The following DCC variants were observed in gnomAD, a reference collection of about 807,000 sequenced individuals.
DCC encodes netrin receptor DCC.
In DCC, 58 loss-of-function variants were observed where a neutral mutation model predicts 172.5. That is an observed-to-expected ratio of 0.34 (90% CI 0.27 to 0.42). The LOEUF (loss-of-function observed/expected upper bound fraction) is 0.42. Among genes scored for constraint, DCC ranks in the 10% least tolerant of loss-of-function variants. The pLI is 1.00. For synonymous variants in DCC, 709 were observed against 644.5 expected (o/e 1.10, Z -1.52); for missense variants, 1,740 against 1,791.0 (o/e 0.97, Z 0.51).
chr18:52,664,345 A>G (rs1343393139), intron 1 of DCC, among the ~76,000 whole-genome samples: 1 of 152,058 alleles, frequency 6.6e-6, no homozygotes, highest in African/African-American at 2.4e-5. Context: ...CATCTAAGGA[A>G]GGAAACTTTT....
intron 5 of DCC, among the ~76,000 whole-genome samples, chr18:52,952,228 A>G (rs2040660166): frequency 6.6e-6 from 1 of 151,998 alleles, no homozygotes; most frequent in Non-Finnish European, 1.5e-5. Flanking sequence ...CTTTTTCTGA[A>G]TATTTTCTCA....
intron 1 of DCC, among the ~76,000 whole-genome samples, chr18:52,482,145 ACACTTG>A (rs985808935): frequency 6.6e-5 from 10 of 152,084 alleles, no homozygotes; most frequent in African/African-American, 2.4e-4. Context: ...CACCACACAA[ACACTTG>A]CACTTGCACA....
At position 52,828,439 on chromosome 18, in the gene DCC, G is replaced by A. The variant is rs117347440; in HGVS notation, c.412+76065G>A. On this transcript the variant is annotated intron_variant, in intron 2 of 28. Coordinates refer to ENST00000442544, the MANE Select transcript of DCC (RefSeq NM_005215.4). ...AAAGTGATGAAAAATATCATAGTAG[G>A]AAGCATTTAAAGAAATATGAGGAAT... is the stretch of plus-strand genomic sequence containing the variant. 1.0e-3 allele frequency among the ~76,000 whole-genome samples: 156 copies of A among 151,852 alleles called. 1 individual carries two copies. Among genetic ancestry groups the A allele is most frequent in the Non-Finnish European group, 1.8e-3 (123 of 67,966 alleles).
chr18:53,306,709 A>G (rs2057204444), intron 13 of DCC, among the ~76,000 whole-genome samples: 1 of 152,216 alleles, frequency 6.6e-6, no homozygotes. Flanking sequence ...CTTTTTGTCA[A>G]TCAACATTTT....
intron 1 of DCC, among the ~76,000 whole-genome samples, chr18:52,515,823 A>G (rs757469044): frequency 4.0e-5 from 6 of 150,266 alleles, no homozygotes; most frequent in Admixed American, 1.3e-4. Flanking sequence ...GCTACAGACT[A>G]GGAGAAAATG....
intron 1 of DCC, among the ~76,000 whole-genome samples, chr18:52,677,766 CTG>C (rs1410890382): frequency 6.6e-6 from 1 of 152,130 alleles, no homozygotes; most frequent in Non-Finnish European, 1.5e-5. Context: ...CTGCCACACT[CTG>C]TTGTTTTTGA....
At chr18:52,809,663 TGGGGGAC>T in intron 2 of DCC, among the ~76,000 whole-genome samples, 1 of 152,048 alleles carries the variant, frequency 6.6e-6, no homozygotes, top group Admixed American at 6.6e-5. Context: ...CAAACAGCAG[TGGGGGAC>T]GGTGAGTAGA....
chr18:52,382,961 G>T (rs1038755819), intron 1 of DCC, among the ~76,000 whole-genome samples: 1 of 151,948 alleles, frequency 6.6e-6, no homozygotes, highest in Non-Finnish European at 1.5e-5. Flanking sequence ...TAAAAATTAT[G>T]CACAAATAAA....
chr18:53,329,255 C>T lies in DCC; in HGVS notation c.2164+7098C>T, dbSNP rs558296867. 7.2e-5 allele frequency among the ~76,000 whole-genome samples: 11 copies of T among 152,022 alleles called. No individual in the cohort carries two copies. The South Asian group carries it at 2.3e-3, about 32-fold the overall frequency. ...TCCAAACAAGCTTAAAAACTTCCTA[C>T]AATTTCTGTTATTAAAGAAGATAGA... is the stretch of plus-strand genomic sequence containing the variant. On this transcript the variant is annotated intron_variant, in intron 14 of 28. Transcript: ENST00000442544.
At chr18:53,322,282 C>A (rs1679531316) in intron 14 of DCC, 125 bp downstream of exon 14, 1 of 695,418 alleles carries the variant, frequency 1.4e-6, no homozygotes, top group Non-Finnish European at 2.6e-6. Flanking sequence ...TGTTCACATG[C>A]AAAACACAAC....
At chr18:53,419,772 G>C (rs1417969705) in intron 21 of DCC, among the ~76,000 whole-genome samples, 1 of 151,982 alleles carries the variant, frequency 6.6e-6, no homozygotes, top group East Asian at 1.9e-4. Flanking sequence ...TTGAAACACA[G>C]CTAGTAAGTA....
intron 15 of DCC, among the ~76,000 whole-genome samples, chr18:53,375,169 G>A (rs2058097332): frequency 6.6e-6 from 1 of 152,224 alleles, no homozygotes; most frequent in African/African-American, 2.4e-5. Context: ...GGTGCAGGAA[G>A]TGCTCATAAA....
chr18:52,376,763 C>A (rs1985366085), intron 1 of DCC, among the ~76,000 whole-genome samples: 1 of 152,152 alleles, frequency 6.6e-6, no homozygotes, highest in Admixed American at 6.6e-5. Context: ...TCTCCTTCAG[C>A]ACTTAGCACA....
intron 12 of DCC, among the ~76,000 whole-genome samples, chr18:53,243,192 C>T (rs544012768): frequency 4.6e-4 from 70 of 152,156 alleles, no homozygotes; most frequent in African/African-American, 1.4e-3. Flanking sequence ...ATCAAGGAGT[C>T]GGGTCCTCAT....
At position 53,450,420 on chromosome 18, in the gene DCC, T is replaced by A. The variant is rs1418927424; in HGVS notation, c.3230-80T>A. On this transcript the variant is annotated intron_variant, in intron 22 of 28. Coordinates refer to ENST00000442544, the MANE Select transcript of DCC (RefSeq NM_005215.4). ...CAGAAAAGCCCAGAACATTAGGAACTTTGTATATCCCAAGAGAGCTTGGTA... is the reference window on the plus strand; with the variant it reads ...CAGAAAAGCCCAGAACATTAGGAACATTGTATATCCCAAGAGAGCTTGGTA... The A allele has an allele frequency of 5.2e-6, 8 of 1,527,184 alleles. No individual in the cohort carries two copies. In the African/African-American group the frequency reaches 9.6e-5, roughly 18 times the overall value. 94.6% of individuals were successfully genotyped at this position (1,527,184 alleles called of 1,614,324 possible). A position where few individuals can be genotyped will look rare whatever the true frequency, so the allele number is the denominator to read the frequency against.
At chr18:53,107,522 A>G (rs1598808883) in intron 7 of DCC, among the ~76,000 whole-genome samples, 1 of 91,768 alleles carries the variant, frequency 1.1e-5, no homozygotes, top group African/African-American at 6.8e-5. Flanking sequence ...ACTTTGATCC[A>G]AAAAAAAAAA....
intron 27 of DCC, among the ~76,000 whole-genome samples, chr18:53,500,801 A>G (rs773892058): frequency 1.3e-5 from 2 of 151,884 alleles, no homozygotes; most frequent in African/African-American, 4.8e-5. Context: ...TCATGATTTC[A>G]TTCTACAAGA....
At chr18:53,311,504 C>T (rs1273390082) in intron 13 of DCC, among the ~76,000 whole-genome samples, 1 of 152,064 alleles carries the variant, frequency 6.6e-6, no homozygotes, top group Non-Finnish European at 1.5e-5. Flanking sequence ...GGAGATGATC[C>T]CAGGTGAATT....
chr18:52,464,726 G>A (rs1035927196), intron 1 of DCC, among the ~76,000 whole-genome samples: 2 of 151,902 alleles, frequency 1.3e-5, no homozygotes. Flanking sequence ...CTTTCTGCAG[G>A]CAGTTGGTAC....
Sources: gnomAD v4.1 joint callset for allele counts (sites outside exome capture counted in the v4.1 genomes callset) on GRCh38, gnomAD v4.1.1 for gene constraint, MANE v1.5 for transcripts, NCBI Gene and HGNC (gene_info 2026-07-23, HGNC 2026-07-21) for gene names.